The following VPS13B variants were observed in gnomAD, a reference collection of about 807,000 sequenced individuals.
The protein encoded by VPS13B is intermembrane lipid transfer protein VPS13B.
VPS13B carries 285 observed loss-of-function variants against 426.4 expected under a neutral mutation model. That is an observed-to-expected ratio of 0.67 (90% CI 0.61 to 0.74). The LOEUF is 0.74. VPS13B is among the 30% of genes least tolerant of loss of function. The pLI is 0.00. For synonymous variants in VPS13B, 1,676 were observed against 1,676.4 expected, an observed-to-expected ratio of 1.00 and a Z score of 0.01; for missense variants, 4,537 against 4,782.6, an observed-to-expected ratio of 0.95 and a Z score of 1.51.
Position 99,818,748 on chromosome 8 carries a change from T to C in VPS13B, c.8481T>C (p.His2827=). ...GCCCTCTTTTTATCATGAGGAGTCA[T>C]CTTCCAGACCCCATTATCATACATT... ...VFSPLFIMRS[H]LPDPIIIHLE... Residue 2827 remains histidine (H), a synonymous_variant, in exon 47 of 62, where the codon CAT becomes CAC. Coordinates refer to ENST00000357162, the MANE Select transcript of VPS13B (RefSeq NM_152564.5). 9.9e-6 allele frequency: 16 copies of C among 1,614,014 alleles called. No homozygotes were observed. Among genetic ancestry groups the C allele is most frequent in the Non-Finnish European group, 1.4e-5 (16 of 1,179,960 alleles).
At position 99,619,626 on chromosome 8, in the gene VPS13B, C is replaced by T. The variant is rs1439213952; in HGVS notation, c.5221-22185C>T. 1.3e-5 allele frequency among the ~76,000 whole-genome samples: 2 copies of T among 152,136 alleles called. 1 individual carries two copies. The highest frequency in any genetic ancestry group is 1.3e-4 in the Admixed American group (2 of 15,266). Reference sequence around the variant, plus strand: ...GGAGTTTGCATCTGCAATCCCAGTACTTTGGTAGGCCAAGACAGGAGGATT... The same window carrying T: ...GGAGTTTGCATCTGCAATCCCAGTATTTTGGTAGGCCAAGACAGGAGGATT... On this transcript the variant is annotated intron_variant, in intron 33 of 61. Transcript: ENST00000357162.
At chr8:99,343,996 A>G (rs1811391505) in intron 19 of VPS13B, among the ~76,000 whole-genome samples, 1 of 152,232 alleles carries the variant, frequency 6.6e-6, no homozygotes, top group Non-Finnish European at 1.5e-5. Context: ...AAAGACCTCA[A>G]ATAGCCAAAA....
chr8:99,744,660 G>A (rs1358872332), intron 39 of VPS13B, among the ~76,000 whole-genome samples: 2 of 152,166 alleles, frequency 1.3e-5, no homozygotes, highest in Non-Finnish European at 2.9e-5. Context: ...ATGAGTTCAT[G>A]TCCTTTGTAG....
intron 17 of VPS13B, among the ~76,000 whole-genome samples, chr8:99,256,249 GCTGA>G (rs1254250172): frequency 2.6e-5 from 4 of 152,136 alleles, no homozygotes; most frequent in South Asian, 4.2e-4. Context: ...CCTTTTTAAG[GCTGA>G]CTAATATTCT....
At chr8:99,193,672 A>G (rs1813730950) in intron 17 of VPS13B, among the ~76,000 whole-genome samples, 2 of 152,164 alleles carry the variant, frequency 1.3e-5, no homozygotes, top group African/African-American at 4.8e-5. Flanking sequence ...AAAGGTTATA[A>G]TTTAAGTGTA....
intron 20 of VPS13B, 128 bp from the exon 21 acceptor site, chr8:99,391,429 T>G: frequency 1.4e-6 from 2 of 1,441,084 alleles, no homozygotes; most frequent in Non-Finnish European, 1.9e-6. Context: ...ATTGATTGAT[T>G]TACAATAATG....
intron 43 of VPS13B, among the ~76,000 whole-genome samples, chr8:99,795,585 C>G (rs915776697): frequency 1.3e-5 from 2 of 152,182 alleles, no homozygotes; most frequent in African/African-American, 4.8e-5. Flanking sequence ...CTTATTATCC[C>G]ACAGTCTTGT....
In VPS13B at chr8:99,859,360, A is replaced by T; in HGVS notation, c.10924A>T (p.Ile3642Phe). Reference protein sequence around the residue: ...LGSPASLVRSIGNGVADFFRL... With the variant: ...LGSPASLVRSFGNGVADFFRL... Reference sequence around the variant, plus strand: ...CAGCCCTGCAAGCCTGGTGAGAAGCATCGGGAACGGGGTCGCCGACTTCTT... The same window carrying T: ...CAGCCCTGCAAGCCTGGTGAGAAGCTTCGGGAACGGGGTCGCCGACTTCTT... The change falls in exon 57 of 62, where the codon ATC becomes TTC. Residue 3642 changes from isoleucine to phenylalanine, a missense_variant. Coordinates refer to ENST00000357162, the MANE Select transcript of VPS13B (RefSeq NM_152564.5). The T allele has an allele frequency of 1.2e-6, 2 of 1,614,104 alleles. No homozygotes were observed. Among genetic ancestry groups the T allele is most frequent in the South Asian group, 2.2e-5 (2 of 91,078 alleles).
intron 25 of VPS13B, among the ~76,000 whole-genome samples, chr8:99,488,753 G>C (rs1172286141): frequency 6.6e-6 from 1 of 152,120 alleles, no homozygotes; most frequent in Non-Finnish European, 1.5e-5. Context: ...TTGTAAATTT[G>C]TTTAAGTTCT....
chr8:99,045,618 G>A (rs568648669), intron 3 of VPS13B, among the ~76,000 whole-genome samples: 7 of 152,100 alleles, frequency 4.6e-5, no homozygotes, highest in African/African-American at 7.2e-5. Context: ...TAAAATCCTC[G>A]CCTAAGCCAA....
chr8:99,056,162 T>A (rs1314703884), intron 3 of VPS13B, among the ~76,000 whole-genome samples: 8 of 152,032 alleles, frequency 5.3e-5, no homozygotes, highest in Admixed American at 5.2e-4. Context: ...GCTTAAGTGA[T>A]CCTCCCACCC....
At position 99,746,755 on chromosome 8, in the gene VPS13B, ATTAAAAG is replaced by A. The variant is rs1209189815; in HGVS notation, c.7051-20017_7051-20011del. 2.0e-4 allele frequency among the ~76,000 whole-genome samples: 31 copies of A among 152,070 alleles called. 1 individual carries two copies. In the South Asian group the frequency reaches 3.7e-3, roughly 18 times the overall value. On this transcript the variant is annotated intron_variant, in intron 39 of 61. Transcript: ENST00000357162. The stretch of plus-strand genomic sequence containing the variant: ...TTATATGTAGAAGTGAGTAAACTAG[ATTAAAAG>A]TAAAGACCAAACTGAATGGAATCAA...
chr8:99,097,528 A>C (rs1466044619), intron 4 of VPS13B, among the ~76,000 whole-genome samples: 1 of 152,144 alleles, frequency 6.6e-6, no homozygotes, highest in East Asian at 1.9e-4. Context: ...AGCTCTAATG[A>C]ACCACAAGTA....
chr8:99,031,722 A>G (rs748963670), intron 2 of VPS13B, among the ~76,000 whole-genome samples: 27 of 152,152 alleles, frequency 1.8e-4, no homozygotes, highest in Non-Finnish European at 3.4e-4. Context: ...TTGTGGAGGC[A>G]GTGGTGTGGC....
At chr8:99,278,285 T>C (rs1464174587) in intron 19 of VPS13B, among the ~76,000 whole-genome samples, 1 of 152,176 alleles carries the variant, frequency 6.6e-6, no homozygotes, top group African/African-American at 2.4e-5. Flanking sequence ...AAGTGAGTTT[T>C]GAGAGGAGCT....
At chr8:99,326,499 C>A (rs1329905799) in intron 19 of VPS13B, among the ~76,000 whole-genome samples, 5 of 59,890 alleles carry the variant, frequency 8.3e-5, no homozygotes, top group African/African-American at 3.6e-4. Flanking sequence ...GAATCTTGCT[C>A]TGTTGCCTAG....
At chr8:99,118,759 C>G (rs921233408) in intron 7 of VPS13B, among the ~76,000 whole-genome samples, 1 of 152,074 alleles carries the variant, frequency 6.6e-6, no homozygotes, top group South Asian at 2.1e-4. Flanking sequence ...ATGAATATAC[C>G]ATGTGAATAT....
intron 31 of VPS13B, among the ~76,000 whole-genome samples, chr8:99,575,199 TA>T (rs1345377947): frequency 6.6e-6 from 1 of 151,832 alleles, no homozygotes; most frequent in African/African-American, 2.4e-5. Context: ...TCTTAGACCT[TA>T]AAAAGAAAAG....
At chr8:99,210,602 A>AT (rs1554674486) in intron 17 of VPS13B, among the ~76,000 whole-genome samples, 6 of 151,034 alleles carry the variant, frequency 4.0e-5, no homozygotes, top group Non-Finnish European at 8.9e-5. Context: ...GGTCTTGAAA[A>AT]ATATATATAT....
Sources: allele counts gnomAD v4.1 joint callset (sites outside exome capture counted in the v4.1 genomes callset), GRCh38; gene constraint gnomAD v4.1.1; transcripts MANE v1.5; gene names NCBI Gene and HGNC (gene_info 2026-07-23, HGNC 2026-07-21).